The following RTN1 variants were observed in gnomAD, a reference collection of about 807,000 sequenced individuals.
RTN1 encodes reticulon-1.
In RTN1, 25 loss-of-function variants were observed where a neutral mutation model predicts 65.5. That is an observed-to-expected ratio of 0.38 (90% CI 0.28 to 0.53). The LOEUF is 0.53. Ranked by LOEUF, RTN1 falls within the 20% of genes least tolerant of loss-of-function variation. The probability of loss-of-function intolerance (pLI) is 0.79; values close to 1 mark genes in which losing one functional copy is unlikely to be tolerated. For missense variants in RTN1, 983 were observed against 1,025.4 expected (o/e 0.96, Z 0.57); for synonymous variants, 471 against 447.6 (o/e 1.05, Z -0.66).
chr14:59,675,115 T>C (rs1008227713), intron 3 of RTN1, among the ~76,000 whole-genome samples: 1 of 151,514 alleles, frequency 6.6e-6, no homozygotes, highest in African/African-American at 2.4e-5. Context: ...AAAGGCACCA[T>C]GATGGAGGAA....
At chr14:59,860,808 G>A (rs759102789) in intron 1 of RTN1, among the ~76,000 whole-genome samples, 1 of 152,162 alleles carries the variant, frequency 6.6e-6, no homozygotes, top group Non-Finnish European at 1.5e-5. Context: ...TCATTTTGAA[G>A]CTTTAAGATT....
intron 1 of RTN1, among the ~76,000 whole-genome samples, chr14:59,793,139 T>C (rs1886379655): frequency 6.6e-6 from 1 of 152,220 alleles, no homozygotes; most frequent in South Asian, 2.1e-4. Context: ...ACATACATCA[T>C]ATTCTACAGA....
At chr14:59,655,215 GA>G (rs1476105270) in intron 3 of RTN1, among the ~76,000 whole-genome samples, 6 of 152,130 alleles carry the variant, frequency 3.9e-5, no homozygotes, top group African/African-American at 1.4e-4. Flanking sequence ...AATAGCATAA[GA>G]AGGAATAAAA....
At chr14:59,751,505 C>A (rs1885522566) in intron 1 of RTN1, among the ~76,000 whole-genome samples, 2 of 152,028 alleles carry the variant, frequency 1.3e-5, no homozygotes, top group African/African-American at 4.8e-5. Context: ...TTATTTGGAA[C>A]TATTTGCAGG....
intron 3 of RTN1, among the ~76,000 whole-genome samples, chr14:59,722,344 A>G (rs1018132411): frequency 2.0e-5 from 3 of 152,230 alleles, no homozygotes; most frequent in Non-Finnish European, 4.4e-5. Flanking sequence ...GAGATTTGAG[A>G]AGTGTCACAC....
intron 5 of RTN1, chr14:59,604,144 C>A: frequency 3.4e-6 from 1 of 295,820 alleles, no homozygotes; most frequent in South Asian, 7.3e-5. Context: ...TTGAGGGACT[C>A]AAGGAAATAA....
intron 3 of RTN1, among the ~76,000 whole-genome samples, chr14:59,714,122 A>G (rs192078121): frequency 1.2e-3 from 178 of 151,864 alleles, no homozygotes; most frequent in African/African-American, 4.1e-3. Flanking sequence ...GTAATCCCTG[A>G]TACTTGGGAT....
chr14:59,788,240 G>C (rs949322046), intron 1 of RTN1, among the ~76,000 whole-genome samples: 1 of 152,110 alleles, frequency 6.6e-6, no homozygotes, highest in Non-Finnish European at 1.5e-5. Flanking sequence ...TCCAGCAATG[G>C]GGCTGCTGAA....
At chr14:59,839,890 A>G (rs1331991890) in intron 1 of RTN1, among the ~76,000 whole-genome samples, 1 of 152,148 alleles carries the variant, frequency 6.6e-6, no homozygotes, top group Non-Finnish European at 1.5e-5. Context: ...AATCATTTAA[A>G]TTGGTTCTTT....
intron 1 of RTN1, among the ~76,000 whole-genome samples, chr14:59,764,193 T>G (rs1885804969): frequency 6.6e-6 from 1 of 152,012 alleles, no homozygotes. Context: ...ATTAGAAAGG[T>G]GTAGGAAACA....
intron 2 of RTN1, among the ~76,000 whole-genome samples, chr14:59,737,572 A>C (rs1885026204): frequency 1.3e-5 from 2 of 152,236 alleles, no homozygotes. Flanking sequence ...AATATCATGA[A>C]AATGGCCATA....
intron 3 of RTN1, chr14:59,607,757 G>A: frequency 2.1e-6 from 1 of 473,760 alleles, no homozygotes; most frequent in South Asian, 2.1e-5. Context: ...ATATCGCGAT[G>A]GGTGTAGCTC....
intron 3 of RTN1, among the ~76,000 whole-genome samples, chr14:59,705,662 C>T (rs1315898052): frequency 6.6e-6 from 1 of 152,170 alleles, no homozygotes; most frequent in African/African-American, 2.4e-5. Flanking sequence ...TCATACATCT[C>T]AAACATCTCA....
In RTN1 at chr14:59,870,209, A is replaced by G. The variant is rs1887870636; in HGVS notation, c.241+181T>C. 6.6e-6 allele frequency among the ~76,000 whole-genome samples: 1 copy of G among 152,214 alleles called. No homozygotes were observed. Among genetic ancestry groups the G allele is most frequent in the Non-Finnish European group, 1.5e-5 (1 of 68,038 alleles). ...GACTTTTTCTGAGCCTTTGGGAAAA[A>G]TAAAATTGTTGTTTTCTACCAGCCC... On this transcript the variant is annotated intron_variant, in intron 1 of 8. Coordinates refer to ENST00000267484, the MANE Select transcript of RTN1 (RefSeq NM_021136.3). The surrounding 1 kb of genome is among the most constrained non-coding windows in gnomAD (Gnocchi z 5.1).
Position 59,846,020 on chromosome 14 carries a change from A to T in RTN1, c.241+24370T>A, listed in dbSNP as rs1040281056. Reference sequence around the variant, plus strand: ...TACAGTTGATGAAGGCTCTGTATTTAAAAACCTGAGCTTGGAACAATTGCA... The same window carrying T: ...TACAGTTGATGAAGGCTCTGTATTTTAAAACCTGAGCTTGGAACAATTGCA... On this transcript the variant is annotated intron_variant, in intron 1 of 8. Coordinates refer to ENST00000267484, the MANE Select transcript of RTN1 (RefSeq NM_021136.3). This position sits in a 1 kb window ranked among gnomAD's most constrained non-coding sequence, Gnocchi z 4.8. Among the ~76,000 whole-genome samples the T allele has an allele frequency of 2.0e-5, 3 of 152,222 alleles. No individual in the cohort carries two copies. Among genetic ancestry groups the T allele is most frequent in the African/African-American group, 4.8e-5 (2 of 41,460 alleles).
chr14:59,668,574 A>T (rs1355512979), intron 3 of RTN1, among the ~76,000 whole-genome samples: 1 of 152,198 alleles, frequency 6.6e-6, no homozygotes, highest in African/African-American at 2.4e-5. Context: ...CACCAAAAGC[A>T]ATGGCAACAA....
chr14:59,870,750 C>G lies in RTN1; in HGVS notation c.-120G>C. 1 of 1,133,012 alleles carries G rather than the reference C, an allele frequency of 8.8e-7. No homozygotes were observed. Among genetic ancestry groups the G allele is most frequent in the Non-Finnish European group, 1.1e-6 (1 of 893,632 alleles). The allele number at this position is 1,133,012 out of a possible 1,614,324, so 70.2% of individuals were successfully genotyped here. A position where few individuals can be genotyped will look rare whatever the true frequency, so the allele number is the denominator to read the frequency against. ...GGCGCTCAGGGAAGCTGCGGTGTCT[C>G]AGCGTCGCCGCCGCCTCTGCTGCAA... On this transcript the variant is annotated 5_prime_UTR_variant, in exon 1 of 9. Coordinates refer to ENST00000267484, the MANE Select transcript of RTN1 (RefSeq NM_021136.3). This position sits in a 1 kb window ranked among gnomAD's most constrained non-coding sequence, Gnocchi z 5.1.
intron 1 of RTN1, among the ~76,000 whole-genome samples, chr14:59,758,463 A>C (rs1885684054): frequency 6.6e-6 from 1 of 152,192 alleles, no homozygotes; most frequent in African/African-American, 2.4e-5. Context: ...GCTCAAGCCC[A>C]CAAACATACC....
At chr14:59,860,513 ACTCCCTACTGGTGTACCAC>A (rs1887689564) in intron 1 of RTN1, among the ~76,000 whole-genome samples, 1 of 152,002 alleles carries the variant, frequency 6.6e-6, no homozygotes, top group East Asian at 1.9e-4. Context: ...CCCCACACAG[ACTCCCTACTGGTGTACCAC>A]ATAGTGGAGC....
Sources: allele counts gnomAD v4.1 joint callset (sites outside exome capture counted in the v4.1 genomes callset), GRCh38; gene constraint gnomAD v4.1.1; non-coding constraint Gnocchi (gnomAD v3.1); transcripts MANE v1.5; gene names NCBI Gene and HGNC (gene_info 2026-07-23, HGNC 2026-07-21).